Variants in CFAP299 observed in about 807,000 individuals in gnomAD.
CFAP299 encodes the protein cilia- and flagella-associated protein 299.
A neutral mutation model predicts 27.0 loss-of-function variants in CFAP299; 21 were observed. The ratio of observed to expected loss-of-function variants is 0.78; its 90% CI spans 0.55 to 1.12. CFAP299 has a LOEUF of 1.12. Among genes scored for constraint, CFAP299 ranks in the 50% most tolerant of loss-of-function variants. The pLI is 0.00. For missense variants in CFAP299, 310 were observed against 276.6 expected, an observed-to-expected ratio of 1.12 and a Z score of -0.86; for synonymous variants, 104 against 98.1, an observed-to-expected ratio of 1.06 and a Z score of -0.36.
chr4:80,376,084 A>G (rs1394545521), intron 2 of CFAP299, among the ~76,000 whole-genome samples: 2 of 152,162 alleles, frequency 1.3e-5, no homozygotes, highest in Non-Finnish European at 2.9e-5. Context: ...GCCTCACTGT[A>G]TTCTTTGTAG....
chr4:80,399,652 G>A (rs935114341), intron 2 of CFAP299, among the ~76,000 whole-genome samples: 7 of 144,082 alleles, frequency 4.9e-5, no homozygotes, highest in Non-Finnish European at 7.5e-5. Flanking sequence ...GAGAACACTC[G>A]GACACAGTAA....
intron 5 of CFAP299, among the ~76,000 whole-genome samples, chr4:80,946,192 A>G (rs1394432423): frequency 6.6e-6 from 1 of 152,184 alleles, no homozygotes; most frequent in African/African-American, 2.4e-5. Context: ...AATGAGATAC[A>G]GCTACAAATA....
chr4:80,932,133 T>A (rs1398019914), intron 4 of CFAP299, among the ~76,000 whole-genome samples: 1 of 152,130 alleles, frequency 6.6e-6, no homozygotes, highest in Non-Finnish European at 1.5e-5. Flanking sequence ...ACCTAGAACA[T>A]TCTGTAGCTT....
intron 3 of CFAP299, among the ~76,000 whole-genome samples, chr4:80,809,053 T>C (rs1729008546): frequency 6.6e-6 from 1 of 152,138 alleles, no homozygotes; most frequent in Non-Finnish European, 1.5e-5. Flanking sequence ...AAGGTTATTT[T>C]GCAGAAAGTG....
chr4:80,892,746 A>G (rs1734371676), intron 4 of CFAP299, among the ~76,000 whole-genome samples: 1 of 152,178 alleles, frequency 6.6e-6, no homozygotes, highest in Non-Finnish European at 1.5e-5. Context: ...TAATAAAGGC[A>G]TGATATGACA....
chr4:80,364,089 A>AACACACACACACAC (rs56300395), intron 2 of CFAP299, among the ~76,000 whole-genome samples: 5,451 of 110,838 alleles, frequency 0.049, 303 homozygotes, highest in Non-Finnish European at 0.069. Flanking sequence ...TCCGTCTCAA[A>AACACACACACACAC]ACACACACAC....
At chr4:80,798,554 G>GGTCA (rs1194615237) in intron 3 of CFAP299, among the ~76,000 whole-genome samples, 1 of 152,062 alleles carries the variant, frequency 6.6e-6, no homozygotes, top group African/African-American at 2.4e-5. Context: ...TTTCATTGCA[G>GGTCA]GTCAGCCACT....
chr4:80,367,484 G>A (rs767952738), intron 2 of CFAP299, among the ~76,000 whole-genome samples: 1 of 151,982 alleles, frequency 6.6e-6, no homozygotes, highest in South Asian at 2.1e-4. Context: ...GTCTTAATTT[G>A]TACCTGTTCC....
In CFAP299 at chr4:80,789,998, T is replaced by C. The variant is rs183117385; in HGVS notation, c.334-79995T>C. Among the ~76,000 whole-genome samples, 334 of 152,134 alleles carry C rather than the reference T, an allele frequency of 2.2e-3. 1 individual carries two copies. Among genetic ancestry groups the C allele is most frequent in the African/African-American group, 7.9e-3 (327 of 41,554 alleles). On this transcript the variant is annotated intron_variant, in intron 3 of 5. Transcript: ENST00000358105. ...CCTTAGTAGGAATCAGTAGGGGACT[T>C]GCTCAAGAATATCTAACAAATAAGT...
chr4:80,771,846 C>A (rs1726234174), intron 3 of CFAP299, among the ~76,000 whole-genome samples: 1 of 152,182 alleles, frequency 6.6e-6, no homozygotes, highest in Admixed American at 6.6e-5. Context: ...TTTCCTCTTA[C>A]ATCCCATTTT....
At chr4:80,556,011 T>C (rs1560622586) in intron 2 of CFAP299, among the ~76,000 whole-genome samples, 1 of 152,070 alleles carries the variant, frequency 6.6e-6, no homozygotes, top group Non-Finnish European at 1.5e-5. Context: ...TTCTTTAGAC[T>C]CTGAAAAAAC....
chr4:80,747,464 T>C (rs1171265213), intron 3 of CFAP299, among the ~76,000 whole-genome samples: 1 of 152,088 alleles, frequency 6.6e-6, no homozygotes, highest in Non-Finnish European at 1.5e-5. Context: ...ATGTGGTGCA[T>C]GAATGTATAA....
At chr4:80,596,988 A>T (rs987048383) in intron 3 of CFAP299, among the ~76,000 whole-genome samples, 2 of 151,992 alleles carry the variant, frequency 1.3e-5, no homozygotes, top group African/African-American at 4.8e-5. Context: ...TGGACAATGG[A>T]TTGTCTACAA....
intron 4 of CFAP299, chr4:80,871,030 C>A: frequency 2.1e-6 from 1 of 470,332 alleles, no homozygotes; most frequent in Non-Finnish European, 2.8e-6. Context: ...TCTCAGCCTC[C>A]CATGCAGCTG....
chr4:80,737,384 T>TG (rs1723972195), intron 3 of CFAP299, among the ~76,000 whole-genome samples: 2 of 152,162 alleles, frequency 1.3e-5, no homozygotes, highest in Non-Finnish European at 2.9e-5. Flanking sequence ...TTTAAAAGTA[T>TG]GGTAGAATTC....
intron 4 of CFAP299, among the ~76,000 whole-genome samples, chr4:80,890,317 A>G (rs1447715635): frequency 1.3e-5 from 2 of 152,176 alleles, no homozygotes; most frequent in Non-Finnish European, 2.9e-5. Context: ...AATCAGGAGC[A>G]TTTTTATATA....
intron 1 of CFAP299, among the ~76,000 whole-genome samples, chr4:80,351,441 T>C (rs1027883127): frequency 6.6e-6 from 1 of 152,130 alleles, no homozygotes; most frequent in Admixed American, 6.6e-5. Context: ...CTAATAATTC[T>C]TGTAAATCAC....
At chr4:80,576,074 T>C (rs1735837525) in intron 2 of CFAP299, among the ~76,000 whole-genome samples, 1 of 151,804 alleles carries the variant, frequency 6.6e-6, no homozygotes, top group Non-Finnish European at 1.5e-5. Flanking sequence ...TTAGGAGATA[T>C]ACCTAATGTA....
chr4:80,392,954 CAGA>C (rs1725569953), intron 2 of CFAP299, among the ~76,000 whole-genome samples: 1 of 151,964 alleles, frequency 6.6e-6, no homozygotes, highest in African/African-American at 2.4e-5. Flanking sequence ...GGAAATATTC[CAGA>C]AGAAGGTATT....
Sources: gnomAD v4.1 joint callset for allele counts (sites outside exome capture counted in the v4.1 genomes callset) on GRCh38, gnomAD v4.1.1 for gene constraint, MANE v1.5 for transcripts, NCBI Gene and HGNC (gene_info 2026-07-23, HGNC 2026-07-21) for gene names.